ATP2B1: variants seen among roughly 807,000 people sequenced by gnomAD.
ATP2B1 encodes the protein ATPase plasma membrane Ca2+ transporting 1, also known as plasma membrane calcium-transporting ATPase 1.
ATP2B1 carries 14 observed loss-of-function variants against 124.2 expected under a neutral mutation model. The observed-to-expected ratio is 0.11, with a 90% CI of 0.07 to 0.18. The LOEUF (loss-of-function observed/expected upper bound fraction) is 0.18. Among genes scored for constraint, ATP2B1 ranks in the 10% least tolerant of loss-of-function variants. ATP2B1 has a pLI of 1.00. For synonymous variants in ATP2B1, 449 were observed against 492.4 expected, an observed-to-expected ratio of 0.91 and a Z score of 1.17; for missense variants, 763 against 1,466.1, an observed-to-expected ratio of 0.52 and a Z score of 7.83.
In ATP2B1 at chr12:89,590,297, G is replaced by GT. The variant is rs1013008252; in HGVS notation, c.*686dup. On this transcript the variant is annotated 3_prime_UTR_variant, in exon 21 of 21. Transcript: ENST00000428670. Reference sequence around the variant, plus strand: ...TTTTTTGTTTTGTTTTGTTTTTTTCGTTTTTTTAAACAAAGCATTAGTGTT... The same window carrying GT: ...TTTTTTGTTTTGTTTTGTTTTTTTCGTTTTTTTTAAACAAAGCATTAGTGTT... 41 of 151,140 alleles carry GT rather than the reference G, an allele frequency of 2.7e-4. No homozygotes were observed. The highest frequency in any genetic ancestry group is 8.3e-4 in the African/African-American group (34 of 41,002). The allele number at this position is 151,140 out of a possible 1,614,324, so 9.4% of individuals were successfully genotyped here.
intron 1 of ATP2B1, among the ~76,000 whole-genome samples, chr12:89,692,760 T>G (rs567420468): frequency 6.6e-6 from 1 of 152,202 alleles, no homozygotes; most frequent in Non-Finnish European, 1.5e-5. Flanking sequence ...TGTCACTCAC[T>G]GATTCACCAA....
chr12:89,609,276 G>A (rs1163283254), intron 15 of ATP2B1, among the ~76,000 whole-genome samples: 1 of 152,096 alleles, frequency 6.6e-6, no homozygotes, highest in Non-Finnish European at 1.5e-5. Context: ...TTCACACTAA[G>A]TAGGACAAAT....
intron 1 of ATP2B1, among the ~76,000 whole-genome samples, chr12:89,671,601 T>C (rs898306571): frequency 3.9e-5 from 6 of 152,118 alleles, no homozygotes; most frequent in Admixed American, 3.9e-4. Context: ...AACTAACCGG[T>C]CTTTGAGAAG....
chr12:89,696,406 A>C (rs1273820390), intron 1 of ATP2B1, among the ~76,000 whole-genome samples: 1 of 152,248 alleles, frequency 6.6e-6, no homozygotes, highest in East Asian at 1.9e-4. Flanking sequence ...ATTTAACAGA[A>C]AAGAATTAAA....
chr12:89,688,288 A>G (rs1195274425), intron 1 of ATP2B1, among the ~76,000 whole-genome samples: 2 of 152,144 alleles, frequency 1.3e-5, no homozygotes, highest in Non-Finnish European at 2.9e-5. Context: ...TAACTGAGTG[A>G]ACTATAAATA....
intron 2 of ATP2B1, among the ~76,000 whole-genome samples, chr12:89,655,120 T>C (rs2136353351): frequency 6.6e-6 from 1 of 152,316 alleles, no homozygotes; most frequent in East Asian, 1.9e-4. Context: ...ACAGGAATAT[T>C]CAACATAATT....
rs941192137 is a variant in ATP2B1 at position 89,707,670 on chromosome 12, G to A, written c.-222+926C>T. Among the ~76,000 whole-genome samples the A allele has an allele frequency of 2.6e-5, 4 of 152,182 alleles. 1 individual carries two copies. The Middle Eastern group carries it at 0.014, about 518-fold the overall frequency. On this transcript the variant is annotated intron_variant, in intron 1 of 20. Coordinates refer to ENST00000428670, the MANE Select transcript of ATP2B1 (RefSeq NM_001366521.1). ...CCCCTTTAACCCACCCGGACGCCCT[G>A]CCCTCCCCTCCGAGCCAAGCAGCGC... is the stretch of plus-strand genomic sequence containing the variant.
At position 89,659,363 on chromosome 12, in the gene ATP2B1, C is replaced by CACACAA. The variant is rs1281101544; in HGVS notation, c.-221-3257_-221-3256insTTGTGT. On this transcript the variant is annotated intron_variant, in intron 1 of 20. Transcript: ENST00000428670. ...AGTCTTTGAGGTATTACAAAACACA[C>CACACAA]ACACACACACACACACACACGCACA... is the stretch of plus-strand genomic sequence containing the variant. Among the ~76,000 whole-genome samples, 33 of 151,704 alleles carry CACACAA rather than the reference C, an allele frequency of 2.2e-4. No homozygotes were observed. In the East Asian group the frequency reaches 5.6e-3, roughly 26 times the overall value.
intron 1 of ATP2B1, among the ~76,000 whole-genome samples, chr12:89,697,690 T>TA (rs1555209911): frequency 9.7e-4 from 93 of 95,626 alleles, no homozygotes; most frequent in African/African-American, 3.3e-3. Flanking sequence ...TTTTTTTTTT[T>TA]AAATATTAGC....
Position 89,602,968 on chromosome 12 carries a change from T to C in ATP2B1, c.3060+75A>G, listed in dbSNP as rs114135098. 1.7e-3 allele frequency: 2,214 copies of C among 1,301,572 alleles called. 25 individuals are homozygous for C. In the African/African-American group the frequency reaches 0.029, roughly 17 times the overall value. The allele number at this position is 1,301,572 out of a possible 1,614,324, so 80.6% of individuals were successfully genotyped here. A position where few individuals can be genotyped will look rare whatever the true frequency, so the allele number is the denominator to read the frequency against. Reference sequence around the variant, plus strand: ...TTCCACACATGTTCCACACAAGTGATTGCTAGAACAAGCTGTTTACCTAAT... The same window carrying C: ...TTCCACACATGTTCCACACAAGTGACTGCTAGAACAAGCTGTTTACCTAAT... On this transcript the variant is annotated intron_variant, in intron 18 of 20. Transcript: ENST00000428670.
chr12:89,698,570 T>C (rs535858471), intron 1 of ATP2B1, among the ~76,000 whole-genome samples: 1 of 152,310 alleles, frequency 6.6e-6, no homozygotes, highest in East Asian at 1.9e-4. Context: ...TGGAAATATA[T>C]ACATGCCTCA....
Position 89,604,260 on chromosome 12 carries a change from C to T in ATP2B1, c.2529G>A (p.Met843Ile). Residue 843 changes from methionine to isoleucine, a missense_variant, in exon 16 of 21, where the codon ATG (methionine) becomes ATA (isoleucine). Physicochemically the swap from Met to Ile is conservative, Grantham distance 10. Coordinates refer to ENST00000428670, the MANE Select transcript of ATP2B1 (RefSeq NM_001366521.1). The stretch of plus-strand genomic sequence containing the variant: ...TGCTGTCATAGACATTTCGTCCCCA[C>T]ATAACTGCTTTAACAATGCTTGTAA... ...DNFTSIVKAVMWGRNVYDSIS... is the reference protein window; with the variant it reads ...DNFTSIVKAVIWGRNVYDSIS... 6.2e-7 allele frequency: 1 copy of T among 1,613,994 alleles called. No individual in the cohort carries two copies. Among genetic ancestry groups the T allele is most frequent in the East Asian group, 2.2e-5 (1 of 44,842 alleles).
At chr12:89,610,752 G>A (rs1215401156) in intron 13 of ATP2B1, 8 of 439,868 alleles carry the variant, frequency 1.8e-5, no homozygotes, top group Non-Finnish European at 2.8e-5. Flanking sequence ...GCATACTCAA[G>A]TTTAAAAGCC....
intron 12 of ATP2B1, among the ~76,000 whole-genome samples, chr12:89,615,938 T>C (rs948598030): frequency 6.7e-5 from 2 of 29,946 alleles, no homozygotes; most frequent in East Asian, 2.4e-3. Flanking sequence ...CTCATAAAGG[T>C]AGACATTTAA....
chr12:89,686,055 T>C (rs1337830202), intron 1 of ATP2B1, among the ~76,000 whole-genome samples: 1 of 152,138 alleles, frequency 6.6e-6, no homozygotes, highest in Non-Finnish European at 1.5e-5. Flanking sequence ...CCTAGCAGAC[T>C]AACAGATCCA....
At chr12:89,649,552 C>T (rs1053953210) in intron 2 of ATP2B1, among the ~76,000 whole-genome samples, 1 of 152,146 alleles carries the variant, frequency 6.6e-6, no homozygotes, top group Non-Finnish European at 1.5e-5. Context: ...TTTTTGATCT[C>T]ACAGGCTCAT....
At chr12:89,663,183 A>G (rs1886901099) in intron 1 of ATP2B1, among the ~76,000 whole-genome samples, 1 of 152,236 alleles carries the variant, frequency 6.6e-6, no homozygotes, top group Non-Finnish European at 1.5e-5. Flanking sequence ...TGTTTAAAAG[A>G]ATATGTTAGG....
chr12:89,595,755 C>CA (rs1874458317), intron 20 of ATP2B1, among the ~76,000 whole-genome samples: 1 of 152,050 alleles, frequency 6.6e-6, no homozygotes, highest in South Asian at 2.1e-4. Flanking sequence ...ATGGTAACAG[C>CA]AACATAATTA....
intron 12 of ATP2B1, among the ~76,000 whole-genome samples, chr12:89,613,520 C>CT (rs1878415090): frequency 6.6e-6 from 1 of 151,976 alleles, no homozygotes; most frequent in African/African-American, 2.4e-5. Flanking sequence ...ACAGGGCCTG[C>CT]TTAGATTATT....
Sources: gnomAD v4.1 joint callset for allele counts (sites outside exome capture counted in the v4.1 genomes callset) on GRCh38, gnomAD v4.1.1 for gene constraint, MANE v1.5 for transcripts, NCBI Gene and HGNC (gene_info 2026-07-23, HGNC 2026-07-21) for gene names.